The following HIBCH variants were observed in gnomAD, a reference collection of about 807,000 sequenced individuals.
HIBCH encodes 3-hydroxyisobutyryl-CoA hydrolase, mitochondrial.
In HIBCH, 50 loss-of-function variants were observed where a neutral mutation model predicts 58.2. The observed-to-expected ratio is 0.86, with a 90% CI of 0.68 to 1.09. The LOEUF (loss-of-function observed/expected upper bound fraction) is 1.09. HIBCH is among the 50% of genes least tolerant of loss of function. The pLI, the probability that HIBCH is intolerant of heterozygous loss-of-function variation, is 0.00. For synonymous variants in HIBCH, 151 were observed against 146.9 expected, an observed-to-expected ratio of 1.03 and a Z score of -0.20; for missense variants, 450 against 449.7, an observed-to-expected ratio of 1.00 and a Z score of -0.01.
At chr2:190,318,037 C>A (rs1463507842) in intron 1 of HIBCH, among the ~76,000 whole-genome samples, 2 of 151,512 alleles carry the variant, frequency 1.3e-5, no homozygotes, top group Admixed American at 1.3e-4. Flanking sequence ...TGTTGGCCAG[C>A]CTGGTCTTGA....
chr2:190,284,065 T>C (rs1380927822), intron 6 of HIBCH, among the ~76,000 whole-genome samples: 1 of 152,232 alleles, frequency 6.6e-6, no homozygotes, highest in African/African-American at 2.4e-5. Context: ...CACTAAGACT[T>C]AATCCTCTGG....
rs1394937137 is a variant in HIBCH, at chr2:190,214,008, T to G, written c.892-933A>C. ...TGGGTTTGGACGGGTGAATTGTTTC[T>G]CACAACCTGGTGGCCCATACGGCTA... On this transcript the variant is annotated intron_variant, in intron 11 of 13. Transcript: ENST00000359678. The surrounding 1 kb of genome is among the most constrained non-coding windows in gnomAD (Gnocchi z 5.5). The G allele has an allele frequency of 6.6e-6, 1 of 152,180 alleles. No individual in the cohort carries two copies. The highest frequency in any genetic ancestry group is 2.4e-5 in the African/African-American group (1 of 41,428). 9.4% of individuals were successfully genotyped at this position (152,180 alleles called of 1,614,324 possible). A position where few individuals can be genotyped will look rare whatever the true frequency, so the allele number is the denominator to read the frequency against.
At chr2:190,235,280 T>G (rs539258120) in intron 11 of HIBCH, among the ~76,000 whole-genome samples, 4 of 152,278 alleles carry the variant, frequency 2.6e-5, no homozygotes, top group African/African-American at 9.6e-5. Context: ...GTACCGAATC[T>G]CAAGAAACAT....
At chr2:190,205,856 CTG>C (rs1181331268) in intron 13 of HIBCH, among the ~76,000 whole-genome samples, 1 of 152,112 alleles carries the variant, frequency 6.6e-6, no homozygotes, top group African/African-American at 2.4e-5. Flanking sequence ...ATGAGGCAAT[CTG>C]TAACTTCTCC....
Position 190,261,142 on chromosome 2 carries a change from T to G in HIBCH, c.517+14A>C, listed in dbSNP as rs757432118. The G allele has an allele frequency of 1.9e-6, 3 of 1,594,640 alleles. No homozygotes were observed. The highest frequency in any genetic ancestry group is 2.6e-6 in the Non-Finnish European group (3 of 1,163,154). On this transcript the variant is annotated intron_variant, in intron 7 of 13. Transcript: ENST00000359678. ...ATGCTAAAAGTAATTATAAAAAAAA[T>G]TCTGGTTGTTTACCTATTGCAGTTT...
At chr2:190,238,449 T>C (rs1252132653) in intron 11 of HIBCH, among the ~76,000 whole-genome samples, 4 of 152,118 alleles carry the variant, frequency 2.6e-5, no homozygotes, top group Non-Finnish European at 4.4e-5. Context: ...TTTCATATGT[T>C]TGTTGGCCGT....
chr2:190,273,707 A>ATT (rs777286544), intron 6 of HIBCH, among the ~76,000 whole-genome samples: 79,645 of 151,076 alleles, frequency 0.53, 21,801 homozygotes, highest in South Asian at 0.6. Flanking sequence ...GTTTTTTTAA[A>ATT]AAAAAAAGAG....
chr2:190,309,272 T>C (rs1455608962), intron 2 of HIBCH, among the ~76,000 whole-genome samples: 2 of 152,182 alleles, frequency 1.3e-5, no homozygotes, highest in African/African-American at 4.8e-5. Flanking sequence ...GGTTTTAGAA[T>C]TGCAAATAAG....
At position 190,228,205 on chromosome 2, in the gene HIBCH, G is replaced by T. The variant is rs533224657; in HGVS notation, c.892-15130C>A. 7.2e-5 allele frequency among the ~76,000 whole-genome samples: 11 copies of T among 152,162 alleles called. No individual in the cohort carries two copies. In the East Asian group the frequency reaches 7.7e-4, roughly 11 times the overall value. ...AGAAAATGTGGCACATATATACCATGGAATACTATGCAGCCATAAAAAAGG... is the reference window on the plus strand; with the variant it reads ...AGAAAATGTGGCACATATATACCATTGAATACTATGCAGCCATAAAAAAGG... On this transcript the variant is annotated intron_variant, in intron 11 of 13. Transcript: ENST00000359678.
intron 11 of HIBCH, among the ~76,000 whole-genome samples, chr2:190,227,078 C>T (rs1685927893): frequency 6.6e-6 from 1 of 152,244 alleles, no homozygotes; most frequent in Admixed American, 6.5e-5. Context: ...GAAAAAACTA[C>T]TTTAAAGTTC....
chr2:190,223,289 AG>A (rs1168785349), intron 11 of HIBCH, among the ~76,000 whole-genome samples: 1 of 152,176 alleles, frequency 6.6e-6, no homozygotes, highest in Non-Finnish European at 1.5e-5. Flanking sequence ...AATAAGAGAC[AG>A]GGTCTTGCTA....
chr2:190,317,602 C>T (rs3791808), intron 1 of HIBCH, among the ~76,000 whole-genome samples: 1 of 152,074 alleles, frequency 6.6e-6, no homozygotes, highest in African/African-American at 2.4e-5. Flanking sequence ...AAAACCTTAG[C>T]GAGATTAACC....
rs1293251155 is a variant in HIBCH, at chr2:190,314,300, CAT to C, written c.36-3506_36-3505del. ...AAAAATATATATATATGTATATATA[CAT>C]ATATATGTGTATATATATGTATATA... On this transcript the variant is annotated intron_variant, in intron 1 of 13. Transcript: ENST00000359678. 1.2e-4 allele frequency among the ~76,000 whole-genome samples: 5 copies of C among 42,422 alleles called. No homozygotes were observed. The South Asian group carries it at 3.2e-3, about 27-fold the overall frequency. The allele number at this position is 42,422 out of a possible 152,430, so 27.8% of individuals were successfully genotyped here.
chr2:190,227,743 A>T (rs1685953465), intron 11 of HIBCH, among the ~76,000 whole-genome samples: 3 of 152,190 alleles, frequency 2.0e-5, no homozygotes, highest in Non-Finnish European at 4.4e-5. Context: ...AAAAGTGGGC[A>T]AAGGATATGA....
intron 3 of HIBCH, among the ~76,000 whole-genome samples, chr2:190,294,868 A>C (rs886653636): frequency 1.3e-5 from 2 of 152,214 alleles, no homozygotes; most frequent in Non-Finnish European, 2.9e-5. Flanking sequence ...CTAGATGAGT[A>C]CACTGTGTGA....
chr2:190,210,799 T>G lies in HIBCH; in HGVS notation c.1012-1886A>C, dbSNP rs556451659. 2.0e-5 allele frequency among the ~76,000 whole-genome samples: 3 copies of G among 152,312 alleles called. No homozygotes were observed. The highest frequency in any genetic ancestry group is 2.1e-4 in the South Asian group (1 of 4,820). On this transcript the variant is annotated intron_variant, in intron 12 of 13. Transcript: ENST00000359678. The surrounding 1 kb of genome is among the most constrained non-coding windows in gnomAD (Gnocchi z 5.5). Reference sequence around the variant, plus strand: ...TTCTTGCAGTTCCCACTGCCTGGGATGCTCTTCCTCTAGATAATGGCATGG... The same window carrying G: ...TTCTTGCAGTTCCCACTGCCTGGGAGGCTCTTCCTCTAGATAATGGCATGG...
Position 190,261,211 on chromosome 2 carries a change from C to G in HIBCH, c.462G>C (p.Gly154=). The change falls in exon 7 of 14, where the codon GGG becomes GGC. Residue 154 remains glycine (G), a synonymous_variant. Coordinates refer to ENST00000359678, the MANE Select transcript of HIBCH (RefSeq NM_014362.4). ...ACTTTTCTGTAGCCACTCGAAATTG[C>G]CCATGGACTGAGAGACCAACTCCCT... ...MGGGVGLSVH[G]QFRVATEKCL... 1 of 1,613,276 alleles carries G rather than the reference C, an allele frequency of 6.2e-7. No homozygotes were observed. The highest frequency in any genetic ancestry group is 8.5e-7 in the Non-Finnish European group (1 of 1,179,546).
intron 7 of HIBCH, among the ~76,000 whole-genome samples, chr2:190,259,244 A>G (rs1687015964): frequency 6.6e-6 from 1 of 151,794 alleles, no homozygotes; most frequent in African/African-American, 2.4e-5. Flanking sequence ...CAATCCATGA[A>G]CATGTAATAT....
rs1416926012 is a variant in HIBCH at position 190,211,206 on chromosome 2, A to C, written c.1011+1750T>G. Among the ~76,000 whole-genome samples, 1 of 152,096 alleles carries C rather than the reference A, an allele frequency of 6.6e-6. No individual in the cohort carries two copies. The highest frequency in any genetic ancestry group is 2.4e-5 in the African/African-American group (1 of 41,428). On this transcript the variant is annotated intron_variant, in intron 12 of 13. Coordinates refer to ENST00000359678, the MANE Select transcript of HIBCH (RefSeq NM_014362.4). This position sits in a 1 kb window ranked among gnomAD's most constrained non-coding sequence, Gnocchi z 5.0. ...CTTGTTTAGTAAATAACGAATCCCC[A>C]AGGTTTTCTTAATTGCTGTTGGTGT...
Sources: allele counts gnomAD v4.1 joint callset (sites outside exome capture counted in the v4.1 genomes callset), GRCh38; gene constraint gnomAD v4.1.1; non-coding constraint Gnocchi (gnomAD v3.1); transcripts MANE v1.5; gene names NCBI Gene and HGNC (gene_info 2026-07-23, HGNC 2026-07-21).